FOCAD: variants seen among roughly 807,000 people sequenced by gnomAD.
FOCAD encodes the protein focadhesin.
Under a neutral mutation model 225.6 loss-of-function variants are expected in FOCAD, and 198 were observed. That is an observed-to-expected ratio of 0.88 (90% CI 0.78 to 0.99). FOCAD has a LOEUF of 0.99. FOCAD is among the 50% of genes least tolerant of loss of function. The probability of loss-of-function intolerance (pLI) is 0.00; values close to 1 mark genes in which losing one functional copy is unlikely to be tolerated. For synonymous variants in FOCAD, 897 were observed against 755.0 expected (o/e 1.19, Z -3.08); for missense variants, 2,713 against 2,123.6 (o/e 1.28, Z -5.46).
rs752693263 is a variant in FOCAD at position 20,764,909 on chromosome 9, T to A, written c.535T>A (p.Trp179Arg). 29 of 1,614,048 alleles carry A rather than the reference T, an allele frequency of 1.8e-5. 1 individual carries two copies. In the South Asian group the frequency reaches 3.1e-4, roughly 17 times the overall value. The change falls in exon 7 of 44, where the codon TGG (tryptophan) becomes AGG (arginine). Residue 179 changes from tryptophan to arginine, a missense_variant. Transcript: ENST00000338382. ...CATTCAAATAATGGCACCATTTCTG[T>A]GGTATCTGTATTGTGAACCATCTCA... Reference protein sequence around the residue: ...SCIQIMAPFLWYLYCEPSQLQ... With the variant: ...SCIQIMAPFLRYLYCEPSQLQ...
At chr9:20,876,584 C>T (rs968611742) in intron 19 of FOCAD, among the ~76,000 whole-genome samples, 4 of 152,132 alleles carry the variant, frequency 2.6e-5, no homozygotes, top group South Asian at 2.1e-4. Context: ...GAGTTGAGAT[C>T]GACAACTGTA....
At chr9:20,973,094 G>A (rs569255586) in intron 35 of FOCAD, among the ~76,000 whole-genome samples, 4 of 149,742 alleles carry the variant, frequency 2.7e-5, no homozygotes, top group African/African-American at 5.0e-5. Flanking sequence ...TGCTGACTTT[G>A]CCTTGTTCTG....
At chr9:20,989,337 G>C (rs1319239911) in intron 41 of FOCAD, among the ~76,000 whole-genome samples, 1 of 152,182 alleles carries the variant, frequency 6.6e-6, no homozygotes, top group African/African-American at 2.4e-5. Context: ...GATTTCCTAA[G>C]TTTTTATTAA....
At position 20,981,681 on chromosome 9, in the gene FOCAD, A is replaced by G; in HGVS notation, c.4633A>G (p.Ile1545Val). The G allele has an allele frequency of 6.2e-7, 1 of 1,604,398 alleles. No homozygotes were observed. The highest frequency in any genetic ancestry group is 8.5e-7 in the Non-Finnish European group (1 of 1,175,814). ...GKIFDLLPNK[I>V]RRKDLELYIS... is the part of the protein sequence containing the mutation. Reference sequence around the variant, plus strand: ...AATTTTTGACCTCCTGCCAAATAAGATTCGGGTGAGGAACAAAAATATTTA... The same window carrying G: ...AATTTTTGACCTCCTGCCAAATAAGGTTCGGGTGAGGAACAAAAATATTTA... Residue 1545 changes from isoleucine (I) to valine (V), a missense_variant, in exon 38 of 44, where the codon ATT becomes GTT. Coordinates refer to ENST00000338382, the MANE Select transcript of FOCAD (RefSeq NM_001375567.1).
At chr9:20,724,114 C>T (rs981982238) in intron 4 of FOCAD, among the ~76,000 whole-genome samples, 1 of 152,158 alleles carries the variant, frequency 6.6e-6, no homozygotes, top group Non-Finnish European at 1.5e-5. Flanking sequence ...TCATTCACCC[C>T]CTACCAGGCC....
At chr9:20,683,887 C>G (rs139689497), upstream of FOCAD, 1 of 152,312 alleles carries the variant, frequency 6.6e-6, no homozygotes, top group East Asian at 1.9e-4. Context: ...AGAAGCTGTT[C>G]TGTATTGCCA....
intron 26 of FOCAD, among the ~76,000 whole-genome samples, chr9:20,926,854 A>G (rs892102459): frequency 1.3e-5 from 2 of 151,484 alleles, no homozygotes; most frequent in Non-Finnish European, 2.9e-5. Context: ...AGCCCTGGCT[A>G]TTTGTTAGAA....
chr9:20,741,676 C>T (rs371406539), intron 5 of FOCAD, among the ~76,000 whole-genome samples: 66 of 87,138 alleles, frequency 7.6e-4, no homozygotes, highest in Admixed American at 1.0e-3. Context: ...GGTAAATATG[C>T]TTTTTTTTTT....
intron 21 of FOCAD, 200 bp downstream of exon 21, chr9:20,885,430 G>T (rs1202639706): frequency 1.7e-5 from 6 of 343,958 alleles, no homozygotes; most frequent in Non-Finnish European, 2.9e-5. Flanking sequence ...TTCCCCCACT[G>T]CCCAGCGTAT....
rs546080276 is a variant in FOCAD at position 20,816,123 on chromosome 9, C to T, written c.1456-3673C>T. 2.0e-5 allele frequency among the ~76,000 whole-genome samples: 3 copies of T among 152,040 alleles called. No homozygotes were observed. In the South Asian group the frequency reaches 6.2e-4, roughly 32 times the overall value. The stretch of plus-strand genomic sequence containing the variant: ...CACCCTTACGTGCTTTTTTTAGGGC[C>T]AAGTCTCATAAAGGAACTGTGTACT... On this transcript the variant is annotated intron_variant, in intron 11 of 43. Transcript: ENST00000338382.
upstream of FOCAD, among the ~76,000 whole-genome samples, chr9:20,679,329 C>G (rs1318186425): frequency 6.6e-6 from 1 of 152,104 alleles, no homozygotes; most frequent in African/African-American, 2.4e-5. Flanking sequence ...TGTGCTGACA[C>G]TGGAGCTCTG....
At chr9:20,769,009 A>C (rs1171733997) in intron 7 of FOCAD, among the ~76,000 whole-genome samples, 2 of 152,028 alleles carry the variant, frequency 1.3e-5, no homozygotes, top group Non-Finnish European at 2.9e-5. Context: ...ACATAAATGC[A>C]CTCAAGGAAA....
At chr9:20,962,407 T>TAC (rs1397489946) in intron 35 of FOCAD, among the ~76,000 whole-genome samples, 61 of 111,792 alleles carry the variant, frequency 5.5e-4, no homozygotes, top group Non-Finnish European at 1.1e-3. Context: ...ATAATATATA[T>TAC]ATACACACAC....
chr9:20,838,885 A>G (rs1394437296), intron 15 of FOCAD, among the ~76,000 whole-genome samples: 1 of 152,100 alleles, frequency 6.6e-6, no homozygotes, highest in Non-Finnish European at 1.5e-5. Flanking sequence ...AGTATTTCTT[A>G]TTTATCTTTT....
chr9:20,779,640 C>T (rs1282161662), intron 9 of FOCAD, among the ~76,000 whole-genome samples: 1 of 151,878 alleles, frequency 6.6e-6, no homozygotes, highest in Non-Finnish European at 1.5e-5. Context: ...ATCCTAGCTA[C>T]TTGGTTGGCT....
chr9:20,976,277 A>G, intron 35 of FOCAD, 143 bp from the exon 36 acceptor site: 2 of 680,672 alleles, frequency 2.9e-6, no homozygotes, highest in Admixed American at 5.4e-5. Flanking sequence ...TGAAATTAAG[A>G]GCACAGAATT....
intron 6 of FOCAD, among the ~76,000 whole-genome samples, chr9:20,762,922 C>T (rs1335305202): frequency 1.3e-5 from 2 of 152,142 alleles, no homozygotes; most frequent in East Asian, 3.9e-4. Context: ...AACGGTCAAG[C>T]ATAATTTAAA....
intron 15 of FOCAD, among the ~76,000 whole-genome samples, chr9:20,844,084 C>A (rs1460123699): frequency 6.6e-6 from 1 of 152,062 alleles, no homozygotes; most frequent in African/African-American, 2.4e-5. Context: ...AAGCCCATTT[C>A]TAGGAATGTA....
Position 20,866,008 on chromosome 9 carries a change from A to G in FOCAD, c.2106+32A>G, listed in dbSNP as rs746745035. The G allele has an allele frequency of 6.4e-6, 10 of 1,558,852 alleles. No individual in the cohort carries two copies. In the South Asian group the frequency reaches 7.0e-5, roughly 11 times the overall value. ...TCACAAGGCTTGTCAGTGAATCAGAACAAAGCTAAGGAAATAATTTTGACA... is the reference window on the plus strand; with the variant it reads ...TCACAAGGCTTGTCAGTGAATCAGAGCAAAGCTAAGGAAATAATTTTGACA... On this transcript the variant is annotated intron_variant, in intron 17 of 43. Coordinates refer to ENST00000338382, the MANE Select transcript of FOCAD (RefSeq NM_001375567.1).
Sources: gnomAD v4.1 joint callset for allele counts (sites outside exome capture counted in the v4.1 genomes callset) on GRCh38, gnomAD v4.1.1 for gene constraint, MANE v1.5 for transcripts, NCBI Gene and HGNC (gene_info 2026-07-23, HGNC 2026-07-21) for gene names.